Variants in SND1 observed in about 807,000 individuals in gnomAD.
SND1 encodes staphylococcal nuclease and tudor domain containing 1.
SND1 carries 38 observed loss-of-function variants against 121.7 expected under a neutral mutation model. That is an observed-to-expected ratio of 0.31 (90% CI 0.24 to 0.41). The LOEUF (loss-of-function observed/expected upper bound fraction) is 0.41. Ranked by LOEUF, SND1 falls within the 10% of genes least tolerant of loss-of-function variation. SND1 has a pLI of 1.00. For missense variants in SND1, 868 were observed against 1,184.6 expected, an observed-to-expected ratio of 0.73 and a Z score of 3.92; for synonymous variants, 401 against 447.4, an observed-to-expected ratio of 0.90 and a Z score of 1.31.
intron 12 of SND1, among the ~76,000 whole-genome samples, chr7:127,870,866 C>T (rs558349055): frequency 3.9e-5 from 6 of 152,208 alleles, no homozygotes; most frequent in Non-Finnish European, 7.4e-5. Flanking sequence ...TTTTATAATG[C>T]TTAATTTTTT....
chr7:127,657,255 C>A (rs1390963989), intron 1 of SND1, among the ~76,000 whole-genome samples: 1 of 152,024 alleles, frequency 6.6e-6, no homozygotes, highest in Non-Finnish European at 1.5e-5. Flanking sequence ...AAGAAGTTAA[C>A]AAGAAATAAG....
intron 10 of SND1, among the ~76,000 whole-genome samples, chr7:127,801,041 C>A (rs1424789290): frequency 6.6e-6 from 1 of 152,146 alleles, no homozygotes; most frequent in Non-Finnish European, 1.5e-5. Flanking sequence ...GTGACTATAC[C>A]ATATCCAGTG....
chr7:127,684,770 C>T (rs1346868709), intron 1 of SND1, among the ~76,000 whole-genome samples: 1 of 152,026 alleles, frequency 6.6e-6, no homozygotes, highest in Non-Finnish European at 1.5e-5. Context: ...GGAAGACAGT[C>T]TTTTTGTGTG....
intron 9 of SND1, among the ~76,000 whole-genome samples, chr7:127,716,155 G>A (rs1424550548): frequency 6.6e-6 from 1 of 152,114 alleles, no homozygotes; most frequent in Non-Finnish European, 1.5e-5. Flanking sequence ...GAGTTTTCCT[G>A]CTTTGTCCTT....
chr7:127,973,666 T>C (rs1427997822), intron 15 of SND1, among the ~76,000 whole-genome samples: 1 of 152,242 alleles, frequency 6.6e-6, no homozygotes, highest in Non-Finnish European at 1.5e-5. Context: ...CTCATTCTTT[T>C]GGTTCTGCTC....
chr7:127,792,376 T>C (rs556973968), intron 10 of SND1, among the ~76,000 whole-genome samples: 3 of 152,326 alleles, frequency 2.0e-5, no homozygotes, highest in East Asian at 3.9e-4. Flanking sequence ...CTTTGTCCAA[T>C]TGTGACCTGC....
intron 1 of SND1, among the ~76,000 whole-genome samples, chr7:127,675,862 T>C (rs1224222299): frequency 6.6e-6 from 1 of 152,218 alleles, no homozygotes; most frequent in Non-Finnish European, 1.5e-5. Flanking sequence ...AGTTGTTCTG[T>C]CTTATTTCTG....
chr7:127,673,965 G>A (rs902559799), intron 1 of SND1, among the ~76,000 whole-genome samples: 4 of 152,022 alleles, frequency 2.6e-5, no homozygotes, highest in Non-Finnish European at 5.9e-5. Context: ...CTATTTAGCA[G>A]AGAAGAGTTT....
At chr7:128,076,830 G>A (rs906147555) in intron 17 of SND1, among the ~76,000 whole-genome samples, 15 of 152,210 alleles carry the variant, frequency 9.9e-5, no homozygotes, top group African/African-American at 3.6e-4. Flanking sequence ...GTGTCTGTCT[G>A]GGGGAATCTG....
At chr7:128,028,118 T>G (rs987216132) in intron 16 of SND1, 1 of 152,830 alleles carries the variant, frequency 6.5e-6, no homozygotes, top group Non-Finnish European at 1.5e-5. Context: ...TATCTTCCCC[T>G]TAGCCTCTGA....
chr7:127,975,965 C>T (rs954614067), intron 15 of SND1, among the ~76,000 whole-genome samples: 8 of 152,184 alleles, frequency 5.3e-5, no homozygotes, highest in Admixed American at 4.6e-4. Flanking sequence ...CTATGTCCCA[C>T]CATGGGCTTA....
chr7:128,040,665 G>A (rs1171192483), intron 16 of SND1, among the ~76,000 whole-genome samples: 2 of 152,106 alleles, frequency 1.3e-5, no homozygotes, highest in East Asian at 3.9e-4. Flanking sequence ...TACTCAGTTT[G>A]GAACTTTCTC....
chr7:127,860,819 G>A (rs1191345529), intron 12 of SND1, among the ~76,000 whole-genome samples: 1 of 152,116 alleles, frequency 6.6e-6, no homozygotes, highest in African/African-American at 2.4e-5. Flanking sequence ...AATATTTGGG[G>A]TGATGAAATA....
chr7:127,810,149 G>A (rs745560654), intron 11 of SND1, among the ~76,000 whole-genome samples: 4 of 152,122 alleles, frequency 2.6e-5, no homozygotes, highest in Admixed American at 6.6e-5. Context: ...ATCAGCGTGC[G>A]ACTAATCTGA....
At chr7:127,894,336 A>G (rs1463225315) in intron 13 of SND1, among the ~76,000 whole-genome samples, 1 of 151,808 alleles carries the variant, frequency 6.6e-6, no homozygotes, top group African/African-American at 2.4e-5. Flanking sequence ...ATTTATAGGG[A>G]AGTTTTTCCA....
chr7:127,812,755 C>T (rs187525295), intron 11 of SND1, among the ~76,000 whole-genome samples: 6 of 152,306 alleles, frequency 3.9e-5, no homozygotes, highest in Non-Finnish European at 7.4e-5. Context: ...GGACTCCACC[C>T]TTCTCCCTGG....
intron 15 of SND1, among the ~76,000 whole-genome samples, chr7:127,973,588 G>A (rs1802050114): frequency 6.6e-6 from 1 of 152,226 alleles, no homozygotes; most frequent in Non-Finnish European, 1.5e-5. Flanking sequence ...GAAGCTACCT[G>A]AGGTGAGGTG....
intron 14 of SND1, among the ~76,000 whole-genome samples, 154 bp from the exon 15 acceptor site, chr7:127,929,034 C>G (rs951810021): frequency 6.6e-6 from 1 of 152,146 alleles, no homozygotes; most frequent in Admixed American, 6.5e-5. Context: ...CTACTGAGGC[C>G]TCATGGGTAT....
intron 16 of SND1, among the ~76,000 whole-genome samples, chr7:128,043,587 A>T (rs1157486445): frequency 3.3e-5 from 5 of 150,308 alleles, no homozygotes; most frequent in African/African-American, 7.3e-5. Context: ...ATAAATTTTT[A>T]TATATATATA....
Sources: allele counts gnomAD v4.1 joint callset (sites outside exome capture counted in the v4.1 genomes callset), GRCh38; gene constraint gnomAD v4.1.1; transcripts MANE v1.5; gene names NCBI Gene and HGNC (gene_info 2026-07-23, HGNC 2026-07-21).